Variants in KAZN observed in about 807,000 individuals in gnomAD.
The protein encoded by KAZN is kazrin, periplakin interacting protein.
In KAZN, 40 loss-of-function variants were observed where a neutral mutation model predicts 87.4. That is an observed-to-expected ratio of 0.46 (90% confidence interval 0.36 to 0.60). KAZN has a LOEUF of 0.60. KAZN is among the 20% of genes least tolerant of loss of function. The pLI is 0.00. For missense variants in KAZN, 898 were observed against 1,073.9 expected, an observed-to-expected ratio of 0.84 and a Z score of 2.29; for synonymous variants, 466 against 458.3, an observed-to-expected ratio of 1.02 and a Z score of -0.22.
chr1:13,996,066 G>A (rs1011164450), intron 1 of KAZN, among the ~76,000 whole-genome samples: 5 of 148,718 alleles, frequency 3.4e-5, no homozygotes, highest in Middle Eastern at 3.6e-3. Flanking sequence ...CCTGATCCAC[G>A]GAGAGGAAGG....
chr1:14,611,425 T>C (rs1323461213), intron 1 of KAZN, among the ~76,000 whole-genome samples: 3 of 152,164 alleles, frequency 2.0e-5, no homozygotes, highest in Non-Finnish European at 4.4e-5. Context: ...TGTATTAGAA[T>C]GAAATGCATA....
intron 1 of KAZN, among the ~76,000 whole-genome samples, chr1:14,906,456 G>C (rs1056491391): frequency 3.3e-5 from 5 of 151,992 alleles, no homozygotes; most frequent in Admixed American, 3.3e-4. Flanking sequence ...TGGGTCATGA[G>C]AGGAAGTTAG....
At chr1:14,134,959 A>G (rs1645072202) in intron 1 of KAZN, among the ~76,000 whole-genome samples, 1 of 123,790 alleles carries the variant, frequency 8.1e-6, no homozygotes, top group Non-Finnish European at 1.7e-5. Context: ...GCATGCATGC[A>G]TATGCACCCG....
At chr1:15,006,673 G>C (rs2102050600) in intron 2 of KAZN, among the ~76,000 whole-genome samples, 1 of 152,334 alleles carries the variant, frequency 6.6e-6, no homozygotes, top group Non-Finnish European at 1.5e-5. Flanking sequence ...TAAGTAAAAT[G>C]TATGATCTGG....
chr1:14,652,786 C>T (rs911368551), intron 1 of KAZN, among the ~76,000 whole-genome samples: 1 of 151,364 alleles, frequency 6.6e-6, no homozygotes, highest in Non-Finnish European at 1.5e-5. Flanking sequence ...ACATTTCATG[C>T]TTATGTGCCA....
At chr1:13,967,850 G>A (rs1642000216) in intron 1 of KAZN, among the ~76,000 whole-genome samples, 1 of 152,168 alleles carries the variant, frequency 6.6e-6, no homozygotes, top group African/African-American at 2.4e-5. Flanking sequence ...AGATGCAGTG[G>A]GACTCTGCAC....
intron 1 of KAZN, among the ~76,000 whole-genome samples, chr1:14,156,432 G>A (rs1570895205): frequency 6.6e-6 from 1 of 152,044 alleles, no homozygotes; most frequent in Non-Finnish European, 1.5e-5. Flanking sequence ...CTGAAAGTGG[G>A]GTGTAGAAGT....
chr1:14,781,709 C>T (rs1219509365), intron 1 of KAZN, among the ~76,000 whole-genome samples: 4 of 152,038 alleles, frequency 2.6e-5, no homozygotes, highest in South Asian at 4.2e-4. Context: ...CAGTGGCTCA[C>T]GCCTGTAATC....
intron 2 of KAZN, among the ~76,000 whole-genome samples, chr1:14,559,582 G>A (rs765271317): frequency 6.6e-6 from 1 of 152,132 alleles, no homozygotes. Flanking sequence ...GCCAGTAGAC[G>A]AAGAAGAAGA....
chr1:14,998,073 C>G (rs1573017307), intron 2 of KAZN, among the ~76,000 whole-genome samples: 1 of 151,936 alleles, frequency 6.6e-6, no homozygotes, highest in East Asian at 1.9e-4. Context: ...GGGTCTGTGC[C>G]CAGGAGCAGG....
rs1658825689 is a variant in KAZN, at chr1:14,923,892, C to T, written c.227-36792C>T. ...CTTTCAAAGACCGGGGCTCGAGTTC[C>T]GTCACAGCCACCCCTGTGACATCGG... On this transcript the variant is annotated intron_variant, in intron 1 of 14. Coordinates refer to ENST00000376030, the MANE Select transcript of KAZN (RefSeq NM_201628.3). This position sits in a 1 kb window ranked among gnomAD's most constrained non-coding sequence, Gnocchi z 4.2. Among the ~76,000 whole-genome samples the T allele has an allele frequency of 6.6e-6, 1 of 152,164 alleles. No individual in the cohort carries two copies. Among genetic ancestry groups the T allele is most frequent in the South Asian group, 2.1e-4 (1 of 4,830 alleles).
At chr1:14,150,436 C>T (rs771988520) in intron 1 of KAZN, among the ~76,000 whole-genome samples, 2 of 152,202 alleles carry the variant, frequency 1.3e-5, no homozygotes, top group Non-Finnish European at 2.9e-5. Flanking sequence ...CACCCTTTCA[C>T]TTGGCCTGCA....
intron 4 of KAZN, among the ~76,000 whole-genome samples, chr1:15,045,854 G>A (rs1673427123): frequency 6.6e-6 from 1 of 152,284 alleles, no homozygotes; most frequent in Non-Finnish European, 1.5e-5. Context: ...GAACAGCATA[G>A]GGGAAACCAG....
At chr1:13,926,669 TCTC>T (rs931273204) in intron 1 of KAZN, among the ~76,000 whole-genome samples, 1 of 147,574 alleles carries the variant, frequency 6.8e-6, no homozygotes, top group Non-Finnish European at 1.5e-5. Flanking sequence ...AAAAAAAAAA[TCTC>T]CTGGGAACTT....
At chr1:14,133,003 C>T (rs1041928) in intron 1 of KAZN, among the ~76,000 whole-genome samples, 87,185 of 151,970 alleles carry the variant, frequency 0.57, 26,315 homozygotes, top group East Asian at 0.76. Context: ...GGTTAACCCT[C>T]GGGTTAAGAA....
At position 14,985,245 on chromosome 1, in the gene KAZN, T is replaced by A. The variant is rs116645359; in HGVS notation, c.418+24370T>A. 3.3e-3 allele frequency among the ~76,000 whole-genome samples: 472 copies of A among 142,450 alleles called. 2 individuals are homozygous for A. Among genetic ancestry groups the A allele is most frequent in the Middle Eastern group, 0.018 (5 of 280 alleles). 93.5% of individuals were successfully genotyped at this position (142,450 alleles called of 152,430 possible). ...GCTCACGCCTATAATCCCAGAACTT[T>A]GGTGGGAGGCCAAGGTGGGAGGCCA... On this transcript the variant is annotated intron_variant, in intron 2 of 14. Coordinates refer to ENST00000376030, the MANE Select transcript of KAZN (RefSeq NM_201628.3).
At chr1:14,002,543 A>G (rs1432362497) in intron 1 of KAZN, among the ~76,000 whole-genome samples, 2 of 152,228 alleles carry the variant, frequency 1.3e-5, no homozygotes, top group African/African-American at 2.4e-5. Context: ...TGGAACTGCA[A>G]GTCCAGTTAA....
At chr1:14,321,643 A>C (rs565911539) in intron 2 of KAZN, among the ~76,000 whole-genome samples, 8 of 152,326 alleles carry the variant, frequency 5.3e-5, no homozygotes, top group African/African-American at 1.9e-4. Flanking sequence ...ATTGTGTACT[A>C]TAAAAGCATC....
At chr1:14,956,299 G>GA (rs35057453) in intron 1 of KAZN, among the ~76,000 whole-genome samples, 20,876 of 99,364 alleles carry the variant, frequency 0.21, 2,069 homozygotes, top group Middle Eastern at 0.29. Context: ...AGAAGTCACT[G>GA]AAAAAAAAAA....
Sources: gnomAD v4.1 joint callset for allele counts (sites outside exome capture counted in the v4.1 genomes callset) on GRCh38, gnomAD v4.1.1 for gene constraint, Gnocchi (gnomAD v3.1) non-coding constraint, MANE v1.5 for transcripts, NCBI Gene and HGNC (gene_info 2026-07-23, HGNC 2026-07-21) for gene names.